Variants in ZNF407 observed in about 807,000 individuals in gnomAD.
ZNF407 encodes zinc finger protein 407.
ZNF407 carries 17 observed loss-of-function variants against 131.2 expected under a neutral mutation model. The observed-to-expected ratio is 0.13, with a 90% confidence interval of 0.09 to 0.19. ZNF407 has a LOEUF of 0.19. Ranked by LOEUF, ZNF407 falls within the 10% of genes least tolerant of loss-of-function variation. The probability of loss-of-function intolerance (pLI) is 1.00; values close to 1 mark genes in which losing one functional copy is unlikely to be tolerated. For missense variants in ZNF407, 2,681 were observed against 2,830.6 expected, an observed-to-expected ratio of 0.95 and a Z score of 1.20; for synonymous variants, 1,156 against 1,062.0, an observed-to-expected ratio of 1.09 and a Z score of -1.72.
In ZNF407 at chr18:74,668,118, T is replaced by A. The variant is rs575731212; in HGVS notation, c.4802+26996T>A. On this transcript the variant is annotated intron_variant, in intron 3 of 8. Coordinates refer to ENST00000299687, the MANE Select transcript of ZNF407 (RefSeq NM_017757.3). ...AAATGCTCCAAAATCGGAAGGTTTC[T>A]GAGTGCCAATATGACACCACCCGGG... Among the ~76,000 whole-genome samples the A allele has an allele frequency of 1.2e-4, 18 of 152,290 alleles. No individual in the cohort carries two copies. The South Asian group carries it at 3.7e-3, about 32-fold the overall frequency.
At chr18:75,027,513 T>C (rs1429113685) in intron 8 of ZNF407, among the ~76,000 whole-genome samples, 1 of 152,170 alleles carries the variant, frequency 6.6e-6, no homozygotes, top group Non-Finnish European at 1.5e-5. Context: ...GGATACATTT[T>C]GGAGACAGAG....
chr18:75,023,906 G>C lies in ZNF407; in HGVS notation c.5429-39244G>C, dbSNP rs539216700. ...ACCATTGTAATTTTACTAGTTTGTG[G>C]TGCGTTGGTTTTGATCAATCTGCAA... is the stretch of plus-strand genomic sequence containing the variant. On this transcript the variant is annotated intron_variant, in intron 8 of 8. Coordinates refer to ENST00000299687, the MANE Select transcript of ZNF407 (RefSeq NM_017757.3). Among the ~76,000 whole-genome samples, 48 of 152,232 alleles carry C rather than the reference G, an allele frequency of 3.2e-4. 1 individual carries two copies. Among genetic ancestry groups the C allele is most frequent in the African/African-American group, 1.1e-3 (44 of 41,502 alleles).
rs1984149512 is a variant in ZNF407 at position 74,632,350 on chromosome 18, T to G, written c.1331T>G (p.Phe444Cys). 6.2e-7 allele frequency: 1 copy of G among 1,613,894 alleles called. No individual in the cohort carries two copies. Among genetic ancestry groups the G allele is most frequent in the Non-Finnish European group, 8.5e-7 (1 of 1,179,906 alleles). ...FTLKGQAKKRFNLLGIKRGTS... is the reference protein window; with the variant it reads ...FTLKGQAKKRCNLLGIKRGTS... ...TTGAAGGGCCAGGCAAAGAAAAGGTTTAATCTTTTAGGAATTAAAAGAGGT... is the reference window on the plus strand; with the variant it reads ...TTGAAGGGCCAGGCAAAGAAAAGGTGTAATCTTTTAGGAATTAAAAGAGGT... The change falls in exon 2 of 9, where the codon TTT becomes TGT. Residue 444 changes from phenylalanine (F) to cysteine (C), a missense_variant. Transcript: ENST00000299687.
Position 74,635,496 on chromosome 18 carries a change from G to C in ZNF407, c.4477G>C (p.Glu1493Gln). 6.2e-7 allele frequency: 1 copy of C among 1,612,484 alleles called. No homozygotes were observed. Among genetic ancestry groups the C allele is most frequent in the Non-Finnish European group, 8.5e-7 (1 of 1,179,106 alleles). The change falls in exon 2 of 9, where the codon GAG becomes CAG. Residue 1493 changes from glutamate (E) to glutamine (Q), a missense_variant. By Grantham distance (29) the Glu-to-Gln change is conservative. This residue lies in a region of ZNF407 where 213 missense variants were observed against 332.2 expected (regional missense o/e 0.64). Transcript: ENST00000299687. The surrounding 1 kb of genome is among the most constrained non-coding windows in gnomAD (Gnocchi z 4.7). ...CACCTTTAAATGTGTCAAGTGCACA[G>C]AGCCCTTTGATTCTGAACAGAATTT... is the stretch of plus-strand genomic sequence containing the variant. ...GATFKCVKCT[E>Q]PFDSEQNLFL...
At chr18:74,749,828 C>T (rs1012996365) in intron 3 of ZNF407, among the ~76,000 whole-genome samples, 2 of 152,024 alleles carry the variant, frequency 1.3e-5, no homozygotes, top group South Asian at 2.1e-4. Flanking sequence ...GCTTTGTATT[C>T]CATTTAATAC....
At chr18:74,708,975 T>C (rs1349169461) in intron 3 of ZNF407, among the ~76,000 whole-genome samples, 17 of 152,248 alleles carry the variant, frequency 1.1e-4, no homozygotes, top group Admixed American at 9.8e-4. Context: ...TATGATTTAG[T>C]GTCTTACTTG....
At chr18:74,851,352 T>C (rs1438993721) in intron 4 of ZNF407, among the ~76,000 whole-genome samples, 3 of 152,254 alleles carry the variant, frequency 2.0e-5, no homozygotes, top group African/African-American at 7.2e-5. Context: ...AGAGAACATG[T>C]ATAATCATGG....
Position 74,736,724 on chromosome 18 carries a change from T to G in ZNF407, c.4803-44704T>G, listed in dbSNP as rs112096961. 6.5e-4 allele frequency among the ~76,000 whole-genome samples: 99 copies of G among 152,306 alleles called. 2 individuals are homozygous for G. The highest frequency in any genetic ancestry group is 2.4e-3 in the African/African-American group (98 of 41,566). ...CTTGGTGGAAAAGTTGTGGGGGTTA[T>G]GTAGAAATAAAAACGAGAATAAATT... On this transcript the variant is annotated intron_variant, in intron 3 of 8. Coordinates refer to ENST00000299687, the MANE Select transcript of ZNF407 (RefSeq NM_017757.3).
rs1984130823 is a variant in ZNF407, at chr18:74,632,140, A to G, written c.1121A>G (p.Asn374Ser). 2 of 1,613,900 alleles carry G rather than the reference A, an allele frequency of 1.2e-6. No homozygotes were observed. Residue 374 changes from asparagine to serine, a missense_variant, in exon 2 of 9, where the codon AAT becomes AGT. By Grantham distance (46) the Asn-to-Ser change is conservative. Transcript: ENST00000299687. Reference protein sequence around the residue: ...EHVTSLGLAQNPENQSRKLDT... With the variant: ...EHVTSLGLAQSPENQSRKLDT... The stretch of plus-strand genomic sequence containing the variant: ...GTTACTTCCCTTGGTCTAGCTCAGA[A>G]TCCTGAAAACCAGAGTAGAAAGCTA...
intron 8 of ZNF407, among the ~76,000 whole-genome samples, chr18:74,935,207 T>G (rs1037681346): frequency 1.3e-5 from 2 of 152,216 alleles, no homozygotes; most frequent in Non-Finnish European, 2.9e-5. Flanking sequence ...TAATATACTA[T>G]TTGGTAGTAT....
intron 3 of ZNF407, among the ~76,000 whole-genome samples, chr18:74,651,540 A>G (rs928812411): frequency 2.6e-5 from 4 of 152,142 alleles, no homozygotes; most frequent in Non-Finnish European, 5.9e-5. Flanking sequence ...ACAGCCATGT[A>G]TTTTCTGTTG....
intron 3 of ZNF407, among the ~76,000 whole-genome samples, chr18:74,677,558 A>T (rs1265176444): frequency 6.6e-6 from 1 of 151,774 alleles, no homozygotes; most frequent in Non-Finnish European, 1.5e-5. Context: ...CTTCCTTTTG[A>T]ATGATATGTT....
At chr18:74,658,826 T>C (rs1383258859) in intron 3 of ZNF407, among the ~76,000 whole-genome samples, 2 of 152,228 alleles carry the variant, frequency 1.3e-5, no homozygotes, top group Admixed American at 1.3e-4. Flanking sequence ...TATTCAACTA[T>C]GATAGTCACT....
rs553001865 is a variant in ZNF407 at position 74,974,296 on chromosome 18, C to T, written c.5428+53604C>T. On this transcript the variant is annotated intron_variant, in intron 8 of 8. Transcript: ENST00000299687. ...AATTCTTCCCATACAGTTCAATAAA[C>T]GCATCTTTGTAGTGAGCATCAAGGT... Among the ~76,000 whole-genome samples the T allele has an allele frequency of 4.6e-5, 7 of 152,290 alleles. No individual in the cohort carries two copies. The South Asian group carries it at 8.3e-4, about 18-fold the overall frequency.
intron 3 of ZNF407, among the ~76,000 whole-genome samples, chr18:74,724,218 A>T (rs1298018960): frequency 6.6e-6 from 1 of 152,212 alleles, no homozygotes; most frequent in East Asian, 1.9e-4. Context: ...TAATTGATGT[A>T]ATAATTGTAC....
intron 8 of ZNF407, among the ~76,000 whole-genome samples, chr18:74,957,363 A>G (rs1236443815): frequency 1.3e-5 from 2 of 151,912 alleles, no homozygotes; most frequent in African/African-American, 2.4e-5. Context: ...CGGCCAGCTT[A>G]TTTGGGAGGT....
At chr18:74,854,999 A>T (rs1359214767) in intron 4 of ZNF407, among the ~76,000 whole-genome samples, 1 of 152,142 alleles carries the variant, frequency 6.6e-6, no homozygotes, top group Non-Finnish European at 1.5e-5. Context: ...ATAGTTTTCA[A>T]TTTCCAGTCT....
At chr18:74,705,119 T>C (rs972658340) in intron 3 of ZNF407, among the ~76,000 whole-genome samples, 2 of 151,250 alleles carry the variant, frequency 1.3e-5, no homozygotes, top group Non-Finnish European at 2.9e-5. Flanking sequence ...TTGATAAATA[T>C]AGACATGGTG....
intron 1 of ZNF407, among the ~76,000 whole-genome samples, chr18:74,622,733 TGTCTGTGA>T (rs1221841206): frequency 0.014 from 70 of 4,832 alleles, no homozygotes; most frequent in Middle Eastern, 0.17. Context: ...TAGTGGTGTG[TGTCTGTGA>T]GTGTGTGTGT....
Sources: gnomAD v4.1 joint callset for allele counts (sites outside exome capture counted in the v4.1 genomes callset) on GRCh38, gnomAD v4.1.1 for gene constraint, gnomAD v4.1.1 regional missense constraint, Gnocchi (gnomAD v3.1) non-coding constraint, MANE v1.5 for transcripts, NCBI Gene and HGNC (gene_info 2026-07-23, HGNC 2026-07-21) for gene names.